The following TASP1 variants were observed in gnomAD, a reference collection of about 807,000 sequenced individuals.
The protein encoded by TASP1 is threonine aspartase 1.
TASP1 carries 16 observed loss-of-function variants against 56.6 expected under a neutral mutation model. The ratio of observed to expected loss-of-function variants is 0.28; its 90% confidence interval spans 0.19 to 0.43. The LOEUF is 0.43. Among genes scored for constraint, TASP1 ranks in the 20% least tolerant of loss-of-function variants. TASP1 has a pLI of 1.00. For missense variants in TASP1, 393 were observed against 511.6 expected (o/e 0.77, Z 2.24); for synonymous variants, 179 against 184.2 (o/e 0.97, Z 0.23).
the TASP1 span, among the ~76,000 whole-genome samples, chr20:13,319,628 A>G: frequency 6.6e-6 from 1 of 152,250 alleles, no homozygotes; most frequent in Non-Finnish European, 1.5e-5. Context: ...ACAAACAACA[A>G]AAAGGATTGG....
At chr20:13,186,726 T>A in the TASP1 span, among the ~76,000 whole-genome samples, 1 of 152,186 alleles carries the variant, frequency 6.6e-6, no homozygotes, top group Non-Finnish European at 1.5e-5. Flanking sequence ...AATTTGAAAC[T>A]TCTTGCACTT....
chr20:13,110,203 G>A, the TASP1 span: 1 of 1,613,570 alleles, frequency 6.2e-7, no homozygotes, highest in South Asian at 1.1e-5. Flanking sequence ...TCATCCTGGT[G>A]GAGGGTGTCT....
At chr20:13,139,344 G>T in the TASP1 span, among the ~76,000 whole-genome samples, 1 of 152,144 alleles carries the variant, frequency 6.6e-6, no homozygotes, top group Non-Finnish European at 1.5e-5. Flanking sequence ...TATGTTACTT[G>T]TTGTAACAGA....
the TASP1 span, chr20:13,279,707 G>C: frequency 2.5e-6 from 4 of 1,613,906 alleles, no homozygotes; most frequent in Admixed American, 1.7e-5. Flanking sequence ...AAGCCCAGCT[G>C]GTCAGTCCCA....
At chr20:13,159,207 T>C in the TASP1 span, among the ~76,000 whole-genome samples, 4 of 152,180 alleles carry the variant, frequency 2.6e-5, no homozygotes, top group African/African-American at 9.7e-5. Context: ...GAATCATAGC[T>C]TATGAAGGTT....
At chr20:13,447,327 TC>T (rs2043448177) in intron 11 of TASP1, among the ~76,000 whole-genome samples, 1 of 152,152 alleles carries the variant, frequency 6.6e-6, no homozygotes, top group Non-Finnish European at 1.5e-5. Flanking sequence ...CATTTGTGTT[TC>T]TTTATCTGTG....
chr20:13,180,884 C>T, the TASP1 span, among the ~76,000 whole-genome samples: 375 of 152,266 alleles, frequency 2.5e-3, 2 homozygotes, highest in African/African-American at 8.6e-3. Context: ...GTTAAAAGAT[C>T]AAGTGTTTAT....
At chr20:13,618,228 G>A (rs1693478835) in intron 4 of TASP1, among the ~76,000 whole-genome samples, 2 of 152,112 alleles carry the variant, frequency 1.3e-5, no homozygotes, top group South Asian at 4.2e-4. Flanking sequence ...TGGGAAACAT[G>A]GCAAAACCCC....
chr20:13,590,645 A>T (rs973182532), intron 4 of TASP1, among the ~76,000 whole-genome samples: 1 of 152,146 alleles, frequency 6.6e-6, no homozygotes, highest in Admixed American at 6.5e-5. Flanking sequence ...AGGCGGGAGG[A>T]TTACAAGGTC....
intron 8 of TASP1, 107 bp downstream of exon 8, chr20:13,558,901 G>T: frequency 1.7e-6 from 1 of 591,908 alleles, no homozygotes; most frequent in Non-Finnish European, 2.7e-6. Flanking sequence ...GTACATATGT[G>T]ACACACATTC....
Position 13,623,585 on chromosome 20 carries a change from A to C in TASP1, c.214-71T>G, listed in dbSNP as rs111480620. 23 of 1,150,452 alleles carry C rather than the reference A, an allele frequency of 2.0e-5. No homozygotes were observed. In the African/African-American group the frequency reaches 2.9e-4, roughly 15 times the overall value. The allele number at this position is 1,150,452 out of a possible 1,614,324, so 71.3% of individuals were successfully genotyped here. A position where few individuals can be genotyped will look rare whatever the true frequency, so the allele number is the denominator to read the frequency against. On this transcript the variant is annotated intron_variant, in intron 3 of 13. Coordinates refer to ENST00000337743, the MANE Select transcript of TASP1 (RefSeq NM_017714.3). ...CTCAAACTTTCCAAAAGCTTAAAGA[A>C]GTATGGGAGACACTTAGATTAATAA... is the stretch of plus-strand genomic sequence containing the variant.
chr20:13,215,793 T>C, the TASP1 span, among the ~76,000 whole-genome samples: 3 of 152,310 alleles, frequency 2.0e-5, no homozygotes, highest in Non-Finnish European at 4.4e-5. Context: ...CCAGTCTTCA[T>C]AGGTTTTGTG....
chr20:13,576,366 A>G (rs538891485), intron 6 of TASP1, among the ~76,000 whole-genome samples: 1 of 121,504 alleles, frequency 8.2e-6, no homozygotes, highest in African/African-American at 2.9e-5. Context: ...AGAAAGAAAG[A>G]AAGAAAGAAA....
chr20:13,409,103 A>T (rs1049315333), intron 13 of TASP1, among the ~76,000 whole-genome samples: 7 of 151,994 alleles, frequency 4.6e-5, no homozygotes, highest in African/African-American at 1.7e-4. Flanking sequence ...TTTCCTTTTA[A>T]TGTTTTAATT....
the TASP1 span, among the ~76,000 whole-genome samples, chr20:13,339,324 T>G: frequency 2.0e-5 from 3 of 152,188 alleles, no homozygotes; most frequent in Non-Finnish European, 4.4e-5. Flanking sequence ...TCATCAGCTC[T>G]AAATCAAGCC....
the TASP1 span, among the ~76,000 whole-genome samples, chr20:13,358,203 C>T: frequency 0.22 from 33,990 of 151,980 alleles, 4,871 homozygotes; most frequent in African/African-American, 0.41. Flanking sequence ...TCCTATAAAA[C>T]GGCCCCACCC....
the TASP1 span, among the ~76,000 whole-genome samples, chr20:13,213,937 C>T: frequency 0.02 from 3,100 of 152,196 alleles, 55 homozygotes; most frequent in Non-Finnish European, 0.031. Flanking sequence ...ATGTTAATGG[C>T]ACAAAAGACC....
At chr20:13,338,439 C>A in the TASP1 span, among the ~76,000 whole-genome samples, 1 of 152,280 alleles carries the variant, frequency 6.6e-6, no homozygotes, top group South Asian at 2.1e-4. Flanking sequence ...AACCTCCTAG[C>A]CCATCCTGTG....
At chr20:13,506,837 T>G (rs1023777959) in intron 10 of TASP1, among the ~76,000 whole-genome samples, 5 of 151,652 alleles carry the variant, frequency 3.3e-5, no homozygotes, top group African/African-American at 1.2e-4. Context: ...TCTCATCACT[T>G]CTTTTCAACA....
Sources: gnomAD v4.1 joint callset for allele counts (sites outside exome capture counted in the v4.1 genomes callset) on GRCh38, gnomAD v4.1.1 for gene constraint, MANE v1.5 for transcripts, NCBI Gene and HGNC (gene_info 2026-07-23, HGNC 2026-07-21) for gene names.